GABRB2: variants seen among roughly 807,000 people sequenced by gnomAD.
GABRB2 encodes gamma-aminobutyric acid receptor subunit beta-2.
In GABRB2, 16 loss-of-function variants were observed where a neutral mutation model predicts 54.7. The ratio of observed to expected loss-of-function variants is 0.29; its 90% CI spans 0.20 to 0.44. The LOEUF (loss-of-function observed/expected upper bound fraction) is 0.44. Ranked by LOEUF, GABRB2 falls within the 20% of genes least tolerant of loss-of-function variation. The pLI is 1.00. For missense variants in GABRB2, 355 were observed against 644.0 expected (o/e 0.55, Z 4.86); for synonymous variants, 244 against 233.8 (o/e 1.04, Z -0.40).
At chr5:161,489,582 T>C (rs1204878994) in intron 3 of GABRB2, among the ~76,000 whole-genome samples, 1 of 151,232 alleles carries the variant, frequency 6.6e-6, no homozygotes, top group African/African-American at 2.4e-5. Context: ...TAGCTTAGCA[T>C]CTCAGTGAAA....
intron 4 of GABRB2, among the ~76,000 whole-genome samples, chr5:161,454,059 T>G (rs1757874710): frequency 2.0e-5 from 3 of 149,064 alleles, no homozygotes; most frequent in Admixed American, 6.7e-5. Flanking sequence ...GCACTATTCA[T>G]AACTTAATTA....
chr5:161,326,607 A>G (rs1758371210), intron 8 of GABRB2, 126 bp from the exon 9 acceptor site: 1 of 1,162,816 alleles, frequency 8.6e-7, no homozygotes, highest in Non-Finnish European at 1.1e-6. Flanking sequence ...GATAAAGGCT[A>G]ACAGAGAATG....
At chr5:161,531,678 C>G (rs1450315144) in intron 3 of GABRB2, among the ~76,000 whole-genome samples, 1 of 151,614 alleles carries the variant, frequency 6.6e-6, no homozygotes, top group Non-Finnish European at 1.5e-5. Context: ...ATATGCAGAA[C>G]AAAACCAACT....
chr5:161,480,166 C>A (rs1201348451), intron 3 of GABRB2, among the ~76,000 whole-genome samples: 1 of 151,864 alleles, frequency 6.6e-6, no homozygotes, highest in South Asian at 2.1e-4. Context: ...TGACACAGCC[C>A]CCAAAATGGA....
chr5:161,326,180 T>C (rs1460218240), intron 9 of GABRB2, among the ~76,000 whole-genome samples, 188 bp downstream of exon 9: 2 of 152,148 alleles, frequency 1.3e-5, no homozygotes, highest in Admixed American at 1.3e-4. Context: ...ACCAAAGCTA[T>C]ACTGAAAAAG....
intron 5 of GABRB2, among the ~76,000 whole-genome samples, chr5:161,350,457 A>C (rs1484667923): frequency 6.6e-6 from 1 of 152,150 alleles, no homozygotes; most frequent in Non-Finnish European, 1.5e-5. Context: ...AAAAAATAAA[A>C]TTAAGAATAA....
At chr5:161,308,064 T>C (rs1757752313) in intron 9 of GABRB2, among the ~76,000 whole-genome samples, 1 of 151,978 alleles carries the variant, frequency 6.6e-6, no homozygotes, top group Admixed American at 6.6e-5. Context: ...GGTTTCACCA[T>C]GTTGGCCAGG....
chr5:161,519,482 A>G (rs948855307), intron 3 of GABRB2, among the ~76,000 whole-genome samples: 1 of 152,180 alleles, frequency 6.6e-6, no homozygotes, highest in African/African-American at 2.4e-5. Context: ...AGGTGGCCAC[A>G]TGATCTTCCA....
chr5:161,435,752 T>A (rs1291147934), intron 4 of GABRB2, among the ~76,000 whole-genome samples: 1 of 152,198 alleles, frequency 6.6e-6, no homozygotes, highest in African/African-American at 2.4e-5. Flanking sequence ...ATGTCAACAA[T>A]TTATGTTGCA....
rs141799580 is a variant in GABRB2 at position 161,299,250 on chromosome 5, C to T, written c.1192-4822G>A. Among the ~76,000 whole-genome samples the T allele has an allele frequency of 9.7e-4, 148 of 152,354 alleles. 1 individual carries two copies. The highest frequency in any genetic ancestry group is 3.3e-3 in the African/African-American group (138 of 41,578). On this transcript the variant is annotated intron_variant, in intron 9 of 9. Transcript: ENST00000393959. ...CCCATTTCTGTATGGGAAACCACCA[C>T]TTCCCCATTCTCAGTTACTATGTCT...
chr5:161,332,401 TAGATAAATAACAC>T (rs946087480), intron 7 of GABRB2, among the ~76,000 whole-genome samples: 3 of 152,124 alleles, frequency 2.0e-5, no homozygotes, highest in Non-Finnish European at 4.4e-5. Flanking sequence ...ATATAATGCC[TAGATAAATAACAC>T]AGATGCATTC....
At chr5:161,508,491 A>G (rs1759673735) in intron 3 of GABRB2, among the ~76,000 whole-genome samples, 1 of 151,732 alleles carries the variant, frequency 6.6e-6, no homozygotes, top group African/African-American at 2.4e-5. Flanking sequence ...CTACTACACT[A>G]CACTCTCATG....
chr5:161,304,216 T>C (rs2113350681), intron 9 of GABRB2, among the ~76,000 whole-genome samples: 1 of 152,310 alleles, frequency 6.6e-6, no homozygotes, highest in African/African-American at 2.4e-5. Context: ...TTCCAAACTT[T>C]AAATATTATA....
chr5:161,401,648 C>T (rs539588037), intron 5 of GABRB2, among the ~76,000 whole-genome samples: 204 of 152,184 alleles, frequency 1.3e-3, no homozygotes, highest in Non-Finnish European at 2.4e-3. Flanking sequence ...AAAAATGCTG[C>T]CCATGTAACA....
In GABRB2 at chr5:161,490,836, C is replaced by T. The variant is rs534817286; in HGVS notation, c.238-30992G>A. 1.3e-4 allele frequency among the ~76,000 whole-genome samples: 19 copies of T among 151,852 alleles called. No individual in the cohort carries two copies. In the South Asian group the frequency reaches 3.3e-3, roughly 27 times the overall value. ...TTCAAGAGCAAGATATCCTTTCTCA[C>T]GTGCTTATTGTTATTAAGTTGTTTC... On this transcript the variant is annotated intron_variant, in intron 3 of 9. Coordinates refer to ENST00000393959, the MANE Select transcript of GABRB2 (RefSeq NM_001371727.1).
intron 4 of GABRB2, among the ~76,000 whole-genome samples, chr5:161,440,131 T>C (rs79991489): frequency 1.4e-5 from 2 of 141,158 alleles, no homozygotes; most frequent in South Asian, 4.4e-4. Flanking sequence ...AACTAAATCA[T>C]ATCCAGAGAA....
At chr5:161,517,989 T>C (rs1760000538) in intron 3 of GABRB2, among the ~76,000 whole-genome samples, 1 of 152,100 alleles carries the variant, frequency 6.6e-6, no homozygotes, top group Non-Finnish European at 1.5e-5. Flanking sequence ...TTTGTATTTT[T>C]AGTAGAGTCG....
rs746145485 is a variant in GABRB2, at chr5:161,336,795, C to T, written c.542-26G>A. 1.9e-6 allele frequency: 3 copies of T among 1,565,536 alleles called. No individual in the cohort carries two copies. The South Asian group carries it at 3.5e-5, about 18-fold the overall frequency. On this transcript the variant is annotated intron_variant, in intron 5 of 9. Coordinates refer to ENST00000393959, the MANE Select transcript of GABRB2 (RefSeq NM_001371727.1). ...CTGTGAAAGGAAACATACACACACA[C>T]ACACACAAATACAGAAAACAAAAAA...
Position 161,454,032 on chromosome 5 carries a change from C to CA in GABRB2, c.458+5591dup, listed in dbSNP as rs202218457. ...CAGCCTTGGAGACAGAGTGAGATTC[C>CA]AAAAAAAAAAAAAAAAGCACTATTC... On this transcript the variant is annotated intron_variant, in intron 4 of 9. Transcript: ENST00000393959. 5.3e-3 allele frequency among the ~76,000 whole-genome samples: 510 copies of CA among 96,564 alleles called. 3 individuals are homozygous for CA. The highest frequency in any genetic ancestry group is 7.0e-3 in the East Asian group (21 of 2,984). The allele number at this position is 96,564 out of a possible 152,430, so 63.3% of individuals were successfully genotyped here.
Sources: gnomAD v4.1 joint callset for allele counts (sites outside exome capture counted in the v4.1 genomes callset) on GRCh38, gnomAD v4.1.1 for gene constraint, MANE v1.5 for transcripts, NCBI Gene and HGNC (gene_info 2026-07-23, HGNC 2026-07-21) for gene names.